The following DSP variants were observed in gnomAD, a reference collection of about 807,000 sequenced individuals.
DSP encodes the protein desmoplakin.
DSP carries 114 observed loss-of-function variants against 290.6 expected under a neutral mutation model. The observed-to-expected ratio is 0.39, with a 90% confidence interval of 0.34 to 0.46. DSP has a LOEUF of 0.46. Ranked by LOEUF, DSP falls within the 20% of genes least tolerant of loss-of-function variation. The pLI, the probability that DSP is intolerant of heterozygous loss-of-function variation, is 0.99. For missense variants in DSP, 3,230 were observed against 3,495.8 expected (o/e 0.92, Z 1.92); for synonymous variants, 1,311 against 1,316.4 (o/e 1.00, Z 0.09).
chr6:7,558,929 G>C (rs1758587097), intron 3 of DSP, among the ~76,000 whole-genome samples: 1 of 152,150 alleles, frequency 6.6e-6, no homozygotes, highest in African/African-American at 2.4e-5. Flanking sequence ...CTGGGGCCCA[G>C]GGTACTAGGA....
chr6:7,558,532 T>G (rs1487362830), intron 3 of DSP, among the ~76,000 whole-genome samples: 1 of 130,024 alleles, frequency 7.7e-6, no homozygotes, highest in Non-Finnish European at 1.7e-5. Flanking sequence ...TTTTTTTTTT[T>G]GAGACAGGGT....
At position 7,582,048 on chromosome 6, in the gene DSP, G is replaced by A. The variant is rs1759454432; in HGVS notation, c.5379+479G>A. On this transcript the variant is annotated intron_variant, in intron 23 of 23. Transcript: ENST00000379802. This position sits in a 1 kb window ranked among gnomAD's most constrained non-coding sequence, Gnocchi z 4.2. ...TCGCTTTTGATCATGGCCCTAGTGTGTTTCCTTTTGTTTGACTTTCCTTCT... is the reference window on the plus strand; with the variant it reads ...TCGCTTTTGATCATGGCCCTAGTGTATTTCCTTTTGTTTGACTTTCCTTCT... Among the ~76,000 whole-genome samples the A allele has an allele frequency of 6.6e-6, 1 of 151,594 alleles. No homozygotes were observed. The highest frequency in any genetic ancestry group is 1.5e-5 in the Non-Finnish European group (1 of 67,906).
At chr6:7,572,098 A>G in intron 15 of DSP, 30 bp downstream of exon 15, 1 of 1,578,232 alleles carries the variant, frequency 6.3e-7, no homozygotes, top group Non-Finnish European at 8.7e-7. Flanking sequence ...TTGCCTGGTT[A>G]CCCTGTATAT....
chr6:7,569,123 A>AG, intron 11 of DSP, 63 bp from the exon 12 acceptor site: 1 of 1,606,926 alleles, frequency 6.2e-7, no homozygotes, highest in Non-Finnish European at 8.5e-7. Flanking sequence ...TCCATCATTG[A>AG]GAAAAAAAAT....
At chr6:7,561,550 T>C (rs1202291130) in intron 4 of DSP, among the ~76,000 whole-genome samples, 1 of 152,152 alleles carries the variant, frequency 6.6e-6, no homozygotes, top group African/African-American at 2.4e-5. Context: ...TGTTTGCCGA[T>C]GGACAGGTCA....
chr6:7,560,229 A>G (rs1399011838), intron 4 of DSP, among the ~76,000 whole-genome samples: 2 of 152,218 alleles, frequency 1.3e-5, no homozygotes, highest in Non-Finnish European at 2.9e-5. Context: ...GTTGTAAGAA[A>G]GCTTGGTTTG....
intron 1 of DSP, among the ~76,000 whole-genome samples, chr6:7,548,512 A>G (rs998482245): frequency 6.6e-6 from 1 of 152,190 alleles, no homozygotes; most frequent in African/African-American, 2.4e-5. Flanking sequence ...GTGGACTCCA[A>G]CTGTGCCCTA....
In DSP at chr6:7,584,968, C is replaced by A; in HGVS notation, c.7706C>A (p.Thr2569Asn). 1 of 1,614,196 alleles carries A rather than the reference C, an allele frequency of 6.2e-7. No homozygotes were observed. The highest frequency in any genetic ancestry group is 8.5e-7 in the Non-Finnish European group (1 of 1,180,042). ...ATCTCCTTGAAAAATGGTGTCGGCACCAGCAGCAGCATGGGCAGTGGTGTC... is the reference window on the plus strand; with the variant it reads ...ATCTCCTTGAAAAATGGTGTCGGCAACAGCAGCAGCATGGGCAGTGGTGTC... ...DMISLKNGVG[T>N]SSSMGSGVSD... Residue 2569 changes from threonine to asparagine, a missense_variant, in exon 24 of 24, where the codon ACC (threonine) becomes AAC (asparagine). Thr to Asn is a moderately conservative substitution (Grantham distance 65, BLOSUM62 0). Transcript: ENST00000379802. This position sits in a 1 kb window ranked among gnomAD's most constrained non-coding sequence, Gnocchi z 6.4.
rs773192441 is a variant in DSP, at chr6:7,584,215, G to C, written c.6953G>C (p.Arg2318Thr). ...TTACCAGTGGAGGAAGCCTACAAGA[G>C]AGGTCTGGTGGGCATTGAGTTCAAA... ...LRLPVEEAYK[R>T]GLVGIEFKEK... The change falls in exon 24 of 24, where the codon AGA (arginine) becomes ACA (threonine). Residue 2318 changes from arginine to threonine, a missense_variant. Around this residue, in one of 5 missense-constraint regions of DSP, gnomAD observed 207 missense variants for 281.2 expected, o/e 0.74. Coordinates refer to ENST00000379802, the MANE Select transcript of DSP (RefSeq NM_004415.4). The surrounding 1 kb of genome is among the most constrained non-coding windows in gnomAD (Gnocchi z 6.4). The C allele has an allele frequency of 2.5e-6, 4 of 1,614,198 alleles. No individual in the cohort carries two copies. The East Asian group carries it at 8.9e-5, about 36-fold the overall frequency.
intron 22 of DSP, 116 bp downstream of exon 22, chr6:7,578,678 T>A (rs1759323715): frequency 1.1e-6 from 1 of 874,528 alleles, no homozygotes; most frequent in Non-Finnish European, 1.9e-6. Context: ...GTATTTCCTC[T>A]AAAGGTTTAG....
At position 7,562,676 on chromosome 6, in the gene DSP, G is replaced by T; in HGVS notation, c.622G>T (p.Gly208Cys). The T allele has an allele frequency of 6.2e-7, 1 of 1,614,110 alleles. No individual in the cohort carries two copies. The highest frequency in any genetic ancestry group is 2.2e-5 in the East Asian group (1 of 44,872). ...QRAEMDMVAW[G>C]VDLASVEQHI... ...GGCGGAGATGGACATGGTGGCCTGG[G>T]GTGTGGACCTGGCCTCAGTGGAGCA... Residue 208 changes from glycine (G) to cysteine (C), a missense_variant, in exon 5 of 24, where the codon GGT (glycine) becomes TGT (cysteine). By Grantham distance (159) the Gly-to-Cys change is radical (BLOSUM62 -3). Transcript: ENST00000379802.
In DSP at chr6:7,583,863, C is replaced by T. The variant is rs750243556; in HGVS notation, c.6601C>T (p.Leu2201Phe). 6 of 1,614,064 alleles carry T rather than the reference C, an allele frequency of 3.7e-6. No individual in the cohort carries two copies. The highest frequency in any genetic ancestry group is 8.5e-7 in the Non-Finnish European group (1 of 1,180,034). ...CGAACCACATACTGGTCTGCTCTTG[C>T]TTTCAGTACAGAAGAGAAGCATGTC... The part of the protein sequence containing the change: ...RIEPHTGLLL[L>F]SVQKRSMSFQ... Residue 2201 changes from leucine to phenylalanine, a missense_variant, in exon 24 of 24, where the codon CTT becomes TTT. By Grantham distance (22) the Leu-to-Phe change is conservative. Around this residue, in one of 5 missense-constraint regions of DSP, gnomAD observed 1,714 missense variants for 1,844.5 expected, o/e 0.93. Transcript: ENST00000379802. This position sits in a 1 kb window ranked among gnomAD's most constrained non-coding sequence, Gnocchi z 4.0.
intron 4 of DSP, among the ~76,000 whole-genome samples, chr6:7,561,242 A>G (rs1278665024): frequency 2.6e-5 from 4 of 152,122 alleles, no homozygotes; most frequent in South Asian, 4.1e-4. Context: ...GTGAGCCACC[A>G]CGCCCAGCCA....
rs1405309527 is a variant in DSP, at chr6:7,584,789, G to A, written c.7527G>A (p.Thr2509=). ...GTGAATGGGAAGAAATAACCATCAC[G>A]GGATCAGATGGCTCCACCAGGGTGG... ...QECEWEEITI[T]GSDGSTRVVL... The change falls in exon 24 of 24, where the codon ACG becomes ACA. Residue 2509 remains threonine, a synonymous_variant. Coordinates refer to ENST00000379802, the MANE Select transcript of DSP (RefSeq NM_004415.4). This position sits in a 1 kb window ranked among gnomAD's most constrained non-coding sequence, Gnocchi z 6.4. 2.5e-6 allele frequency: 4 copies of A among 1,614,070 alleles called. No homozygotes were observed. Among genetic ancestry groups the A allele is most frequent in the Admixed American group, 1.7e-5 (1 of 60,006 alleles).
In DSP at chr6:7,568,438, A is replaced by G. The variant is rs1175321093; in HGVS notation, c.1268A>G (p.Lys423Arg). The change falls in exon 11 of 24, where the codon AAA becomes AGA. Residue 423 changes from lysine (K) to arginine (R), a missense_variant and splice_region_variant. Transcript: ENST00000379802. The part of the protein sequence containing the change: ...HLLEQIKELE[K>R]EREKILEYKR... ...GTATGATTTTATTCACCATTGCAGA[A>G]AGAACGAGAGAAAATCCTTGAATAC... 3.1e-6 allele frequency: 5 copies of G among 1,613,984 alleles called. No homozygotes were observed. The highest frequency in any genetic ancestry group is 4.2e-6 in the Non-Finnish European group (5 of 1,180,030).
intron 15 of DSP, among the ~76,000 whole-genome samples, chr6:7,573,387 A>G (rs1003742019): frequency 1.3e-5 from 2 of 152,022 alleles, no homozygotes; most frequent in African/African-American, 4.8e-5. Flanking sequence ...GACCAGCATG[A>G]CCAACATGGT....
rs772646601 is a variant in DSP, at chr6:7,579,538, T to C, written c.3348T>C (p.Tyr1116=). The change falls in exon 23 of 24, where the codon TAT becomes TAC. Residue 1116 remains tyrosine (Y), a synonymous_variant. Coordinates refer to ENST00000379802, the MANE Select transcript of DSP (RefSeq NM_004415.4). This position sits in a 1 kb window ranked among gnomAD's most constrained non-coding sequence, Gnocchi z 4.1. ...ELNEKITRLT[Y]EIEDEKRRRK... ...ATGAGAAGATCACCCGACTGACTTA[T>C]GAGATTGAAGATGAAAAGAGAAGAA... 5 of 1,613,816 alleles carry C rather than the reference T, an allele frequency of 3.1e-6. No homozygotes were observed. The highest frequency in any genetic ancestry group is 2.2e-5 in the South Asian group (2 of 91,064).
At chr6:7,570,977 A>G (rs965682971) in intron 13 of DSP, among the ~76,000 whole-genome samples, 1 of 152,148 alleles carries the variant, frequency 6.6e-6, no homozygotes, top group African/African-American at 2.4e-5. Context: ...TTGTTTTCAG[A>G]TCATGGTCTG....
intron 18 of DSP, among the ~76,000 whole-genome samples, 154 bp downstream of exon 18, chr6:7,575,642 G>T (rs1373574877): frequency 6.6e-6 from 1 of 152,194 alleles, no homozygotes; most frequent in Non-Finnish European, 1.5e-5. Context: ...CTGCCTGTAT[G>T]CAGCTTTGTT....
Sources: gnomAD v4.1 joint callset for allele counts (sites outside exome capture counted in the v4.1 genomes callset) on GRCh38, gnomAD v4.1.1 for gene constraint, gnomAD v4.1.1 regional missense constraint, Gnocchi (gnomAD v3.1) non-coding constraint, MANE v1.5 for transcripts, NCBI Gene and HGNC (gene_info 2026-07-23, HGNC 2026-07-21) for gene names.